Variants in L3MBTL4 observed in about 807,000 individuals in gnomAD.
L3MBTL4 encodes the protein lethal(3)malignant brain tumor-like protein 4.
In L3MBTL4, 70 loss-of-function variants were observed where a neutral mutation model predicts 84.5. The observed-to-expected ratio is 0.83, with a 90% CI of 0.68 to 1.01. The LOEUF (loss-of-function observed/expected upper bound fraction) is 1.01, where lower values mean the gene tolerates loss of function less well. L3MBTL4 is among the 50% of genes least tolerant of loss of function. L3MBTL4 has a pLI of 0.00. For synonymous variants in L3MBTL4, 274 were observed against 259.8 expected (o/e 1.05, Z -0.52); for missense variants, 715 against 754.8 (o/e 0.95, Z 0.62).
rs190546609 is a variant in L3MBTL4 at position 6,169,156 on chromosome 18, G to A, written c.1096+2672C>T. The stretch of plus-strand genomic sequence containing the variant: ...ACCATCTCACACCAGTTAGAATGGC[G>A]ATCATTAAAAAGTCAGGAAAAAACA... On this transcript the variant is annotated intron_variant, in intron 13 of 18. Coordinates refer to ENST00000317931, the MANE Select transcript of L3MBTL4 (RefSeq NM_001330559.2). 1.7e-4 allele frequency among the ~76,000 whole-genome samples: 26 copies of A among 152,230 alleles called. No individual in the cohort carries two copies. In the East Asian group the frequency reaches 1.7e-3, roughly 10 times the overall value.
chr18:6,125,728 CCTT>C (rs1296603024), intron 14 of L3MBTL4, among the ~76,000 whole-genome samples: 8 of 152,176 alleles, frequency 5.3e-5, no homozygotes, highest in Non-Finnish European at 1.2e-4. Flanking sequence ...CTGTGCCTGA[CCTT>C]CTTTTTAAGA....
intron 4 of L3MBTL4, among the ~76,000 whole-genome samples, chr18:6,273,899 C>G (rs959824256): frequency 1.4e-4 from 22 of 152,108 alleles, no homozygotes; most frequent in African/African-American, 5.3e-4. Context: ...TTTATTCATC[C>G]AGTGCAAAGT....
chr18:6,243,320 G>T lies in L3MBTL4; in HGVS notation c.434C>A (p.Thr145Asn). The T allele has an allele frequency of 1.3e-6, 2 of 1,598,608 alleles. No homozygotes were observed. The highest frequency in any genetic ancestry group is 1.2e-5 in the South Asian group (1 of 86,540). ...CTTAGGGATGTGCAGTTCATGTTTGGTCTTTTCACACCATCCTACTGGATG... is the reference window on the plus strand; with the variant it reads ...CTTAGGGATGTGCAGTTCATGTTTGTTCTTTTCACACCATCCTACTGGATG... ...DIHPVGWCEK[T>N]KHELHIPKGY... The change falls in exon 7 of 19, where the codon ACC becomes AAC. Residue 145 changes from threonine (T) to asparagine (N), a missense_variant. Thr to Asn is a moderately conservative substitution (Grantham distance 65). Transcript: ENST00000317931.
intron 10 of L3MBTL4, among the ~76,000 whole-genome samples, chr18:6,227,635 T>A (rs947880279): frequency 2.0e-5 from 3 of 152,166 alleles, no homozygotes; most frequent in Non-Finnish European, 2.9e-5. Flanking sequence ...ATCACCATTT[T>A]CTGATACAAA....
At chr18:6,071,715 A>G (rs529027476) in intron 16 of L3MBTL4, among the ~76,000 whole-genome samples, 1 of 61,542 alleles carries the variant, frequency 1.6e-5, no homozygotes, top group Non-Finnish European at 3.1e-5. Context: ...GAAAGAAAGA[A>G]GGAAAGAAAG....
intron 16 of L3MBTL4, among the ~76,000 whole-genome samples, chr18:5,991,612 A>C (rs761726739): frequency 3.2e-4 from 48 of 152,014 alleles, no homozygotes; most frequent in Non-Finnish European, 5.7e-4. Flanking sequence ...TCTTAGAGGT[A>C]AAATAACAAA....
At chr18:6,223,864 C>A (rs2145912731) in intron 10 of L3MBTL4, among the ~76,000 whole-genome samples, 1 of 152,252 alleles carries the variant, frequency 6.6e-6, no homozygotes, top group South Asian at 2.1e-4. Context: ...ACAGAACTAG[C>A]CCCTATCAGC....
chr18:6,315,565 A>C (rs773150285), intron 1 of L3MBTL4, among the ~76,000 whole-genome samples: 3 of 152,226 alleles, frequency 2.0e-5, no homozygotes, highest in Non-Finnish European at 4.4e-5. Flanking sequence ...TAACTTGTCC[A>C]AGGTTATGCA....
intron 7 of L3MBTL4, among the ~76,000 whole-genome samples, chr18:6,242,859 T>C (rs2047508116): frequency 6.6e-6 from 1 of 152,196 alleles, no homozygotes; most frequent in Non-Finnish European, 1.5e-5. Context: ...AAAATAGTGA[T>C]TTTTTTCATA....
intron 12 of L3MBTL4, among the ~76,000 whole-genome samples, chr18:6,197,603 A>C (rs1438867088): frequency 1.3e-5 from 2 of 152,180 alleles, no homozygotes; most frequent in Admixed American, 1.3e-4. Flanking sequence ...TGATAGAATA[A>C]TTTGTATTCC....
At chr18:6,233,262 G>A (rs1367003472) in intron 10 of L3MBTL4, among the ~76,000 whole-genome samples, 2 of 150,488 alleles carry the variant, frequency 1.3e-5, no homozygotes, top group Non-Finnish European at 2.9e-5. Context: ...ACTGGCACAA[G>A]GCAGGGATGC....
At chr18:6,021,283 G>A (rs2055241996) in intron 16 of L3MBTL4, among the ~76,000 whole-genome samples, 1 of 152,182 alleles carries the variant, frequency 6.6e-6, no homozygotes. Context: ...GGAATATCTT[G>A]AACCCAAGTC....
At position 6,032,007 on chromosome 18, in the gene L3MBTL4, T is replaced by C. The variant is rs528972544; in HGVS notation, c.1444+48874A>G. The C allele has an allele frequency of 9.9e-4, 276 of 278,062 alleles. 2 individuals carry two copies. The highest frequency in any genetic ancestry group is 6.0e-3 in the African/African-American group (261 of 43,516). The allele number at this position is 278,062 out of a possible 1,614,324, so 17.2% of individuals were successfully genotyped here. ...TTCTTTTTTTTTTTGAGACGGAGTC[T>C]TGCTCTGTTGCCCAGGCTGGAGTGC... On this transcript the variant is annotated intron_variant, in intron 16 of 18. Transcript: ENST00000317931.
intron 16 of L3MBTL4, among the ~76,000 whole-genome samples, chr18:6,006,498 AG>A (rs2054494511): frequency 6.6e-6 from 1 of 152,184 alleles, no homozygotes; most frequent in Admixed American, 6.5e-5. Flanking sequence ...TGTGAAGGGG[AG>A]GAGAAGAAAA....
intron 15 of L3MBTL4, 47 bp from the exon 16 acceptor site, chr18:6,080,998 T>C (rs766298550): frequency 1.4e-6 from 2 of 1,408,424 alleles, no homozygotes; most frequent in African/African-American, 1.4e-5. Context: ...TCCTGTGAGG[T>C]AGGAAGAAAT....
intron 14 of L3MBTL4, among the ~76,000 whole-genome samples, chr18:6,112,311 C>T (rs912926717): frequency 6.6e-6 from 1 of 152,198 alleles, no homozygotes; most frequent in Non-Finnish European, 1.5e-5. Context: ...TCTTTGACAA[C>T]CGAGGATCGC....
At chr18:6,180,963 G>T (rs1179395548) in intron 12 of L3MBTL4, among the ~76,000 whole-genome samples, 1 of 152,192 alleles carries the variant, frequency 6.6e-6, no homozygotes, top group Non-Finnish European at 1.5e-5. Flanking sequence ...ACGACGTTCT[G>T]ACATGCTACA....
At chr18:6,163,257 T>TG (rs1213143944) in intron 13 of L3MBTL4, among the ~76,000 whole-genome samples, 98 of 44,152 alleles carry the variant, frequency 2.2e-3, no homozygotes, top group South Asian at 0.01. Context: ...GGTGTGTGTG[T>TG]GTGGGGGGGG....
At chr18:6,386,989 G>A (rs534966053) in intron 1 of L3MBTL4, among the ~76,000 whole-genome samples, 25 of 152,290 alleles carry the variant, frequency 1.6e-4, no homozygotes, top group Non-Finnish European at 3.1e-4. Flanking sequence ...TGGTGGCTTG[G>A]GGGTAGATGG....
Sources: allele counts gnomAD v4.1 joint callset (sites outside exome capture counted in the v4.1 genomes callset), GRCh38; gene constraint gnomAD v4.1.1; transcripts MANE v1.5; gene names NCBI Gene and HGNC (gene_info 2026-07-23, HGNC 2026-07-21).